The following GADD45A variants were observed in gnomAD, a reference collection of about 807,000 sequenced individuals.
The protein encoded by GADD45A is growth arrest and DNA damage-inducible protein GADD45 alpha.
Under a neutral mutation model 17.7 loss-of-function variants are expected in GADD45A, and 9 were observed. That is an observed-to-expected ratio of 0.51 (90% CI 0.31 to 0.89). The LOEUF (loss-of-function observed/expected upper bound fraction) is 0.89, where lower values mean the gene tolerates loss of function less well. Ranked by LOEUF, GADD45A falls within the 40% of genes least tolerant of loss-of-function variation. The pLI, the probability that GADD45A is intolerant of heterozygous loss-of-function variation, is 0.05. For missense variants in GADD45A, 149 were observed against 220.6 expected (o/e 0.68, Z 2.06); for synonymous variants, 95 against 92.2 (o/e 1.03, Z -0.17).
At chr1:67,687,184 T>C (rs1355949930) in intron 3 of GADD45A, among the ~76,000 whole-genome samples, 4 of 152,160 alleles carry the variant, frequency 2.6e-5, no homozygotes, top group African/African-American at 9.7e-5. Flanking sequence ...TTTTGACTGG[T>C]CTAGTCAAGT....
rs1030436040 is a variant in GADD45A, at chr1:67,685,351, C to T, written c.-144C>T. ...GCACAGGAGGAGGAGCCCGGGCGGG[C>T]GAGGGGCGGCCGGAGAGCGCCAGGG... is the stretch of plus-strand genomic sequence containing the variant. On this transcript the variant is annotated 5_prime_UTR_variant, in exon 1 of 4. Transcript: ENST00000370986. 6.0e-6 allele frequency: 4 copies of T among 666,216 alleles called. No individual in the cohort carries two copies. Among genetic ancestry groups the T allele is most frequent in the Non-Finnish European group, 1.0e-5 (4 of 398,342 alleles). The allele number at this position is 666,216 out of a possible 1,614,324, so 41.3% of individuals were successfully genotyped here. A position where few individuals can be genotyped will look rare whatever the true frequency, so the allele number is the denominator to read the frequency against.
rs761385951 is a variant in GADD45A at position 67,687,717 on chromosome 1, C to T, written c.441C>T (p.Cys147=). 8 of 1,613,028 alleles carry T rather than the reference C, an allele frequency of 5.0e-6. No homozygotes were observed. In the Admixed American group the frequency reaches 1.2e-4, roughly 24 times the overall value. Reference sequence around the variant, plus strand: ...CCTTAAGTCAACTTATTTGTTTTTGCCGGGAAAGTCGCTACATGGATCAAT... The same window carrying T: ...CCTTAAGTCAACTTATTTGTTTTTGTCGGGAAAGTCGCTACATGGATCAAT... ...DPALSQLICF[C]RESRYMDQWV... The change falls in exon 4 of 4, where the codon TGC becomes TGT. Residue 147 remains cysteine, a synonymous_variant. Transcript: ENST00000370986.
intron 1 of GADD45A, 56 bp downstream of exon 1, chr1:67,685,594 C>A: frequency 6.5e-7 from 1 of 1,541,992 alleles, no homozygotes; most frequent in African/African-American, 1.4e-5. Context: ...CCCCGCGCTC[C>A]CCGGTGCAGC....
In GADD45A at chr1:67,688,072, C is replaced by T. The variant is rs1481813749; in HGVS notation, c.*298C>T. 14 of 266,378 alleles carry T rather than the reference C, an allele frequency of 5.3e-5. No individual in the cohort carries two copies. The East Asian group carries it at 9.6e-4, about 18-fold the overall frequency. The allele number at this position is 266,378 out of a possible 1,614,324, so 16.5% of individuals were successfully genotyped here. ...GTATTAATTTAGAATGGTTGAGTTA[C>T]ATTAAAATAAACCAAATATGTTAAA... On this transcript the variant is annotated 3_prime_UTR_variant, in exon 4 of 4. Coordinates refer to ENST00000370986, the MANE Select transcript of GADD45A (RefSeq NM_001924.4).
Position 67,686,549 on chromosome 1 carries a change from G to C in GADD45A, c.346G>C (p.Ala116Pro). 6.2e-7 allele frequency: 1 copy of C among 1,612,182 alleles called. No individual in the cohort carries two copies. Among genetic ancestry groups the C allele is most frequent in the East Asian group, 2.2e-5 (1 of 44,844 alleles). ...TDAGPAASEG[A>P]EQPPDLHCVL... ...CGCTGGCCCCGCGGCGAGCGAGGGC[G>C]CCGAGCAGCCCCCGGACCTGCACTG... Residue 116 changes from alanine (A) to proline (P), a missense_variant, in exon 3 of 4, where the codon GCC becomes CCC. Coordinates refer to ENST00000370986, the MANE Select transcript of GADD45A (RefSeq NM_001924.4).
In GADD45A at chr1:67,686,013, G is replaced by C. The variant is rs963879913; in HGVS notation, c.45-12G>C. On this transcript the variant is annotated splice_polypyrimidine_tract_variant and intron_variant, in intron 1 of 3. Coordinates refer to ENST00000370986, the MANE Select transcript of GADD45A (RefSeq NM_001924.4). Reference sequence around the variant, plus strand: ...GGGGCTGACGGGACCCCTCGCCCTTGCCCGCGTGTAGGATGGATAAGGTGG... The same window carrying C: ...GGGGCTGACGGGACCCCTCGCCCTTCCCCGCGTGTAGGATGGATAAGGTGG... The C allele has an allele frequency of 6.3e-7, 1 of 1,585,780 alleles. No homozygotes were observed.
At position 67,685,512 on chromosome 1, in the gene GADD45A, C is replaced by T. The variant is rs1162847319; in HGVS notation, c.18C>T (p.Phe6=). ...TTTGCAATATGACTTTGGAGGAATTCTCGGCTGGAGAGCAGAAGACCGAAA... is the reference window on the plus strand; with the variant it reads ...TTTGCAATATGACTTTGGAGGAATTTTCGGCTGGAGAGCAGAAGACCGAAA... MTLEE[F]SAGEQKTERM... The change falls in exon 1 of 4, where the codon TTC becomes TTT. Residue 6 remains phenylalanine (F), a synonymous_variant. Transcript: ENST00000370986. 1.2e-6 allele frequency: 2 copies of T among 1,610,590 alleles called. No individual in the cohort carries two copies. The highest frequency in any genetic ancestry group is 2.7e-5 in the African/African-American group (2 of 74,884).
chr1:67,685,438 G>T lies in GADD45A; in HGVS notation c.-57G>T. 1 of 1,541,692 alleles carries T rather than the reference G, an allele frequency of 6.5e-7. No individual in the cohort carries two copies. Among genetic ancestry groups the T allele is most frequent in the Non-Finnish European group, 8.8e-7 (1 of 1,130,896 alleles). On this transcript the variant is annotated 5_prime_UTR_variant, in exon 1 of 4. Coordinates refer to ENST00000370986, the MANE Select transcript of GADD45A (RefSeq NM_001924.4). ...GAAAGCAGGCGCCCGCGCGCTAGCC[G>T]TGGCAGGAGCAGCCCGCACGCCGCG...
intron 2 of GADD45A, 90 bp downstream of exon 2, chr1:67,686,216 G>A: frequency 7.3e-7 from 1 of 1,374,012 alleles, no homozygotes; most frequent in Non-Finnish European, 1.0e-6. Flanking sequence ...GCCCGGCCGC[G>A]CCACTTCCTG....
In GADD45A at chr1:67,686,563, G is replaced by C; in HGVS notation, c.360G>C (p.Pro120=). The change falls in exon 3 of 4, where the codon CCG becomes CCC. Residue 120 remains proline (P), a synonymous_variant. Transcript: ENST00000370986. ...CGAGCGAGGGCGCCGAGCAGCCCCC[G>C]GACCTGCACTGCGTGCTGGTGACGG... ...PAASEGAEQP[P]DLHCVLVTNP... 1 of 1,611,400 alleles carries C rather than the reference G, an allele frequency of 6.2e-7. No individual in the cohort carries two copies. Among genetic ancestry groups the C allele is most frequent in the Non-Finnish European group, 8.5e-7 (1 of 1,178,760 alleles).
intron 1 of GADD45A, 92 bp downstream of exon 1, chr1:67,685,630 G>C: frequency 1.5e-6 from 2 of 1,355,396 alleles, no homozygotes; most frequent in Non-Finnish European, 2.1e-6. Context: ...TTGCAGGGGA[G>C]GAAGCTAAAA....
intron 1 of GADD45A, 182 bp from the exon 2 acceptor site, chr1:67,685,843 T>A: frequency 1.7e-6 from 1 of 598,112 alleles, no homozygotes; most frequent in Non-Finnish European, 2.9e-6. Context: ...GGACGCCCGG[T>A]CCTTGGGCGT....
At position 67,686,542 on chromosome 1, in the gene GADD45A, C is replaced by T. The variant is rs889111342; in HGVS notation, c.339C>T (p.Ser113=). Reference sequence around the variant, plus strand: ...AGACCGACGCTGGCCCCGCGGCGAGCGAGGGCGCCGAGCAGCCCCCGGACC... The same window carrying T: ...AGACCGACGCTGGCCCCGCGGCGAGTGAGGGCGCCGAGCAGCCCCCGGACC... ...LLETDAGPAA[S]EGAEQPPDLH... The change falls in exon 3 of 4, where the codon AGC becomes AGT. Residue 113 remains serine, a synonymous_variant. Coordinates refer to ENST00000370986, the MANE Select transcript of GADD45A (RefSeq NM_001924.4). 1.9e-6 allele frequency: 3 copies of T among 1,612,172 alleles called. No homozygotes were observed. The highest frequency in any genetic ancestry group is 2.7e-5 in the African/African-American group (2 of 74,906).
At position 67,687,052 on chromosome 1, in the gene GADD45A, CT is replaced by C. The variant is rs143275022; in HGVS notation, c.384+466del. On this transcript the variant is annotated intron_variant, in intron 3 of 3. Coordinates refer to ENST00000370986, the MANE Select transcript of GADD45A (RefSeq NM_001924.4). ...AAGAGGATAGAGTGGAATTTTTTTT[CT>C]CTGCAATCTTGCATTTTTTTAATGG... Among the ~76,000 whole-genome samples the C allele has an allele frequency of 5.5e-3, 835 of 151,704 alleles. 5 individuals carry two copies. Among genetic ancestry groups the C allele is most frequent in the Non-Finnish European group, 8.4e-3 (573 of 67,892 alleles).
chr1:67,686,245 CGGAA>C (rs1399845628), intron 2 of GADD45A, 101 bp from the exon 3 acceptor site: 2 of 1,376,978 alleles, frequency 1.5e-6, no homozygotes, highest in Non-Finnish European at 2.0e-6. Flanking sequence ...CTGCCTGTCT[CGGAA>C]GGGAGGGGGC....
chr1:67,685,961 G>A (rs1243509742), intron 1 of GADD45A, 64 bp from the exon 2 acceptor site: 10 of 1,059,280 alleles, frequency 9.4e-6, no homozygotes, highest in African/African-American at 1.6e-5. Context: ...ACCGGACGAG[G>A]GGGGCGGCGA....
At position 67,688,026 on chromosome 1, in the gene GADD45A, C is replaced by G. The variant is rs2622; in HGVS notation, c.*252C>G. 2.5e-6 allele frequency: 1 copy of G among 400,466 alleles called. No individual in the cohort carries two copies. Among genetic ancestry groups the G allele is most frequent in the Non-Finnish European group, 4.5e-6 (1 of 222,850 alleles). The allele number at this position is 400,466 out of a possible 1,614,324, so 24.8% of individuals were successfully genotyped here. A position where few individuals can be genotyped will look rare whatever the true frequency, so the allele number is the denominator to read the frequency against. ...CAAAAGGAACAAAAATTACAAAGAA[C>G]CATGCAGGAAGGAAAACTATGTATT... On this transcript the variant is annotated 3_prime_UTR_variant, in exon 4 of 4. Coordinates refer to ENST00000370986, the MANE Select transcript of GADD45A (RefSeq NM_001924.4).
Position 67,685,343 on chromosome 1 carries a change from C to T in GADD45A, c.-152C>T, listed in dbSNP as rs1438800944. On this transcript the variant is annotated 5_prime_UTR_variant, in exon 1 of 4. Coordinates refer to ENST00000370986, the MANE Select transcript of GADD45A (RefSeq NM_001924.4). ...GGCGGCTGGCACAGGAGGAGGAGCCCGGGCGGGCGAGGGGCGGCCGGAGAG... is the reference window on the plus strand; with the variant it reads ...GGCGGCTGGCACAGGAGGAGGAGCCTGGGCGGGCGAGGGGCGGCCGGAGAG... 1 of 621,006 alleles carries T rather than the reference C, an allele frequency of 1.6e-6. No individual in the cohort carries two copies. Among genetic ancestry groups the T allele is most frequent in the Non-Finnish European group, 2.7e-6 (1 of 365,100 alleles). The allele number at this position is 621,006 out of a possible 1,614,324, so 38.5% of individuals were successfully genotyped here.
In GADD45A at chr1:67,685,361, C is replaced by T. The variant is rs1288704696; in HGVS notation, c.-134C>T. ...AGGAGCCCGGGCGGGCGAGGGGCGG[C>T]CGGAGAGCGCCAGGGCCTGAGCTGC... On this transcript the variant is annotated 5_prime_UTR_variant, in exon 1 of 4. Coordinates refer to ENST00000370986, the MANE Select transcript of GADD45A (RefSeq NM_001924.4). The T allele has an allele frequency of 4.0e-6, 3 of 741,596 alleles. No individual in the cohort carries two copies. Among genetic ancestry groups the T allele is most frequent in the South Asian group, 1.9e-5 (1 of 53,422 alleles). 45.9% of individuals were successfully genotyped at this position (741,596 alleles called of 1,614,324 possible).
Sources: allele counts gnomAD v4.1 joint callset (sites outside exome capture counted in the v4.1 genomes callset), GRCh38; gene constraint gnomAD v4.1.1; transcripts MANE v1.5; gene names NCBI Gene and HGNC (gene_info 2026-07-23, HGNC 2026-07-21).